ANK2: variants seen among roughly 807,000 people sequenced by gnomAD.
ANK2 encodes ankyrin-2.
Under a neutral mutation model 360.5 loss-of-function variants are expected in ANK2, and 83 were observed. The ratio of observed to expected loss-of-function variants is 0.23; its 90% CI spans 0.19 to 0.28. ANK2 has a LOEUF of 0.28. Ranked by LOEUF, ANK2 falls within the 10% of genes least tolerant of loss-of-function variation. ANK2 has a pLI of 1.00. For synonymous variants in ANK2, 1,740 were observed against 1,759.5 expected, an observed-to-expected ratio of 0.99 and a Z score of 0.28; for missense variants, 4,201 against 4,795.7, an observed-to-expected ratio of 0.88 and a Z score of 3.66.
intron 4 of ANK2, among the ~76,000 whole-genome samples, chr4:113,212,073 T>G (rs1206661777): frequency 1.3e-5 from 2 of 152,224 alleles, no homozygotes; most frequent in Non-Finnish European, 2.9e-5. Context: ...ATACATAATT[T>G]GCATAGATGT....
chr4:113,140,357 AAGG>A (rs1430287196), intron 1 of ANK2, among the ~76,000 whole-genome samples: 3 of 152,226 alleles, frequency 2.0e-5, no homozygotes, highest in African/African-American at 4.8e-5. Flanking sequence ...GATCAAAAAC[AAGG>A]AGAAGGGCAG....
intron 41 of ANK2, among the ~76,000 whole-genome samples, chr4:113,366,158 A>G (rs140261813): frequency 8.8e-4 from 134 of 152,278 alleles, no homozygotes; most frequent in African/African-American, 3.1e-3. Context: ...AAACCTCTTA[A>G]AAGAACAGTC....
chr4:112,941,274 T>C (rs2094181389), intron 2 of ANK2, among the ~76,000 whole-genome samples: 1 of 148,108 alleles, frequency 6.8e-6, no homozygotes, highest in Non-Finnish European at 1.5e-5. Flanking sequence ...AGAAAAGATA[T>C]ATAGGTATAT....
intron 4 of ANK2, among the ~76,000 whole-genome samples, chr4:113,212,435 T>C (rs1399448405): frequency 6.6e-6 from 1 of 152,208 alleles, no homozygotes; most frequent in Non-Finnish European, 1.5e-5. Context: ...ATTGGAATCC[T>C]CTGGTTATTT....
chr4:112,949,742 C>T (rs147260723), intron 2 of ANK2, among the ~76,000 whole-genome samples: 1,750 of 152,262 alleles, frequency 0.011, 41 homozygotes, highest in African/African-American at 0.04. Flanking sequence ...TGGAATAAGC[C>T]TTTCTAAATT....
At chr4:112,839,280 T>C (rs756549391) in intron 1 of ANK2, among the ~76,000 whole-genome samples, 8 of 152,150 alleles carry the variant, frequency 5.3e-5, no homozygotes, top group Non-Finnish European at 1.2e-4. Context: ...GATTTGAAAA[T>C]GTGTGCTGAA....
chr4:113,271,163 A>G (rs1435090565), intron 14 of ANK2, among the ~76,000 whole-genome samples: 1 of 152,230 alleles, frequency 6.6e-6, no homozygotes, highest in East Asian at 1.9e-4. Context: ...AAATGTAAAG[A>G]GAGCCCCTCT....
At chr4:113,077,138 A>G (rs1052162081) in intron 1 of ANK2, among the ~76,000 whole-genome samples, 2 of 152,186 alleles carry the variant, frequency 1.3e-5, no homozygotes, top group African/African-American at 4.8e-5. Context: ...AGGAACATGG[A>G]TAAACATATT....
intron 4 of ANK2, among the ~76,000 whole-genome samples, chr4:113,203,890 A>G (rs1439776167): frequency 1.3e-5 from 2 of 152,154 alleles, no homozygotes; most frequent in Non-Finnish European, 2.9e-5. Flanking sequence ...TTCTAGCCCA[A>G]ATCCTATTCA....
intron 1 of ANK2, among the ~76,000 whole-genome samples, chr4:113,118,870 G>A (rs2095109362): frequency 6.6e-6 from 1 of 151,966 alleles, no homozygotes; most frequent in African/African-American, 2.4e-5. Context: ...CTTGGCTAGC[G>A]GCCCTTGTCA....
chr4:113,132,693 T>A (rs1352921043), intron 1 of ANK2, among the ~76,000 whole-genome samples: 1 of 151,976 alleles, frequency 6.6e-6, no homozygotes, highest in East Asian at 1.9e-4. Flanking sequence ...TCCTACAGGG[T>A]ATCCAGGCAT....
chr4:113,014,053 G>A (rs1315858229), intron 2 of ANK2, among the ~76,000 whole-genome samples: 1 of 152,142 alleles, frequency 6.6e-6, no homozygotes, highest in Non-Finnish European at 1.5e-5. Context: ...GAGCACTAGA[G>A]CCCAGAGAGT....
chr4:112,868,969 C>CT (rs907043318), intron 1 of ANK2, among the ~76,000 whole-genome samples: 20 of 150,552 alleles, frequency 1.3e-4, no homozygotes, highest in African/African-American at 2.9e-4. Flanking sequence ...TTTATTTATT[C>CT]TTTTTTTTTG....
At chr4:112,873,586 G>C (rs1359658333) in intron 1 of ANK2, among the ~76,000 whole-genome samples, 1 of 150,078 alleles carries the variant, frequency 6.7e-6, no homozygotes, top group Non-Finnish European at 1.5e-5. Flanking sequence ...GCCCAGGCTG[G>C]AGTGCAGTGG....
chr4:112,731,685 A>T, the ANK2 span, among the ~76,000 whole-genome samples: 2 of 152,066 alleles, frequency 1.3e-5, no homozygotes, highest in East Asian at 1.9e-4. Flanking sequence ...GTGAGCCATG[A>T]TCGTGCCCCT....
chr4:113,228,731 C>T (rs560959724), intron 4 of ANK2, among the ~76,000 whole-genome samples: 120 of 152,252 alleles, frequency 7.9e-4, no homozygotes, highest in Middle Eastern at 6.8e-3. Context: ...TTTTTATAAA[C>T]CTTGATATTC....
At chr4:112,914,858 A>T (rs1402124077) in intron 2 of ANK2, among the ~76,000 whole-genome samples, 5 of 152,136 alleles carry the variant, frequency 3.3e-5, no homozygotes, top group Non-Finnish European at 7.4e-5. Context: ...TAAGAGCATA[A>T]TGTTTGTCTG....
At chr4:113,064,503 C>T (rs956073200) in intron 1 of ANK2, among the ~76,000 whole-genome samples, 5 of 152,142 alleles carry the variant, frequency 3.3e-5, no homozygotes, top group African/African-American at 9.7e-5. Context: ...CTTTTGTTTT[C>T]CCATGACAGA....
intron 2 of ANK2, among the ~76,000 whole-genome samples, chr4:112,983,502 C>A (rs2043804302): frequency 6.6e-6 from 1 of 151,674 alleles, no homozygotes; most frequent in East Asian, 1.9e-4. Context: ...CATGGAGAAA[C>A]CCTGTCTCTA....
Sources: allele counts gnomAD v4.1 joint callset (sites outside exome capture counted in the v4.1 genomes callset), GRCh38; gene constraint gnomAD v4.1.1; transcripts MANE v1.5; gene names NCBI Gene and HGNC (gene_info 2026-07-23, HGNC 2026-07-21).